Variants in PTPN22 observed in about 807,000 individuals in gnomAD.
PTPN22 encodes tyrosine-protein phosphatase non-receptor type 22.
PTPN22 carries 85 observed loss-of-function variants against 103.3 expected under a neutral mutation model. The observed-to-expected ratio is 0.82, with a 90% CI of 0.69 to 0.99. The LOEUF (loss-of-function observed/expected upper bound fraction) is 0.99, where lower values mean the gene tolerates loss of function less well. Ranked by LOEUF, PTPN22 falls within the 50% of genes least tolerant of loss-of-function variation. PTPN22 has a pLI of 0.00. For missense variants in PTPN22, 865 were observed against 936.9 expected (o/e 0.92, Z 1.00); for synonymous variants, 323 against 310.2 (o/e 1.04, Z -0.43).
chr1:113,862,916 C>T lies in PTPN22; in HGVS notation c.88-3456G>A, dbSNP rs140075038. 2.8e-3 allele frequency among the ~76,000 whole-genome samples: 420 copies of T among 152,224 alleles called. 2 individuals are homozygous for T. The highest frequency in any genetic ancestry group is 9.5e-3 in the African/African-American group (396 of 41,528). On this transcript the variant is annotated intron_variant, in intron 1 of 20. Coordinates refer to ENST00000359785, the Ensembl canonical transcript of PTPN22. ...GGAGGACAAGACTGAATTGTACGAG[C>T]GTGCAATGCAATCATCTTCAACAAG... is the stretch of plus-strand genomic sequence containing the variant.
chr1:113,858,880 C>A (rs1571453943), intron 3 of PTPN22, 122 bp downstream of exon 3: 1 of 1,447,668 alleles, frequency 6.9e-7, no homozygotes, highest in South Asian at 1.5e-5. Flanking sequence ...TTCAAGTGAT[C>A]TTTCCGCCTC....
In PTPN22 at chr1:113,838,264, T is replaced by C. The variant is rs138092829; in HGVS notation, c.1136A>G (p.Asp379Gly). The stretch of plus-strand genomic sequence containing the variant: ...AAAACTGTAATTTAGCTCCAGAAAG[T>C]CAAAAGAAGTGCTTGATTTAGCAGG... Residue 379 changes from aspartate (D) to glycine (G), a missense_variant, in exon 13 of 21, where the codon GAC becomes GGC. By Grantham distance (94) the Asp-to-Gly change is moderately conservative. Transcript: ENST00000359785. 5.9e-5 allele frequency: 95 copies of C among 1,614,090 alleles called. No individual in the cohort carries two copies. In the African/African-American group the frequency reaches 1.1e-3, roughly 19 times the overall value.
intron 8 of PTPN22, 99 bp downstream of exon 8, chr1:113,854,808 G>C (rs1664905068): frequency 7.2e-7 from 1 of 1,393,988 alleles, no homozygotes; most frequent in African/African-American, 1.4e-5. Flanking sequence ...ATTATCGTTT[G>C]TTTTTGCTAT....
chr1:113,840,511 A>G (rs1172978617), intron 11 of PTPN22, among the ~76,000 whole-genome samples: 1 of 152,250 alleles, frequency 6.6e-6, no homozygotes, highest in East Asian at 1.9e-4. Context: ...TGAAAACTAC[A>G]AAGCTTTGCT....
intron 20 of PTPN22, among the ~76,000 whole-genome samples, chr1:113,818,718 C>T (rs1661358071): frequency 6.6e-6 from 1 of 152,158 alleles, no homozygotes; most frequent in Admixed American, 6.5e-5. Context: ...TTAGTTATAG[C>T]ACATGTCTAA....
intron 18 of PTPN22, among the ~76,000 whole-genome samples, chr1:113,827,302 C>T (rs1047614933): frequency 6.6e-6 from 1 of 152,084 alleles, no homozygotes; most frequent in African/African-American, 2.4e-5. Flanking sequence ...TAAAAATGCT[C>T]CCATCCTTGT....
At chr1:113,852,816 A>C (rs1318734356) in intron 9 of PTPN22, among the ~76,000 whole-genome samples, 2 of 152,266 alleles carry the variant, frequency 1.3e-5, no homozygotes, top group African/African-American at 4.8e-5. Flanking sequence ...GACAAAGTAG[A>C]AATAGAAATA....
At chr1:113,844,127 A>G (rs1663840795) in intron 11 of PTPN22, among the ~76,000 whole-genome samples, 1 of 151,902 alleles carries the variant, frequency 6.6e-6, no homozygotes, top group Non-Finnish European at 1.5e-5. Context: ...AAGGTTTGTC[A>G]ATTTCATTGA....
At chr1:113,855,669 T>A (rs567567853) in intron 7 of PTPN22, among the ~76,000 whole-genome samples, 18 of 152,298 alleles carry the variant, frequency 1.2e-4, no homozygotes, top group African/African-American at 4.1e-4. Flanking sequence ...TCTCTATAGA[T>A]CTCAGGTGAC....
chr1:113,822,677 T>C (rs906913123), intron 19 of PTPN22, among the ~76,000 whole-genome samples: 2 of 151,914 alleles, frequency 1.3e-5, no homozygotes, highest in East Asian at 3.9e-4. Flanking sequence ...AAAGGGTTTC[T>C]TGGGCCGGGC....
intron 19 of PTPN22, 110 bp downstream of exon 19, chr1:113,825,032 G>A (rs961163564): frequency 1.1e-5 from 8 of 742,896 alleles, no homozygotes; most frequent in Admixed American, 3.3e-5. Flanking sequence ...ACCCTATGGA[G>A]GCTCTGTTTA....
In PTPN22 at chr1:113,814,492, G is replaced by GT. The variant is rs1204429611; in HGVS notation, c.*412dup. ...AGCAGTTTGTATTGCAACCCACAAA[G>GT]TAAGTTTTTTTTTTAACTTTTTATA... is the stretch of plus-strand genomic sequence containing the variant. On this transcript the variant is annotated 3_prime_UTR_variant, in exon 21 of 21. Coordinates refer to ENST00000359785, the Ensembl canonical transcript of PTPN22. 8.0e-5 allele frequency: 13 copies of GT among 161,796 alleles called. No individual in the cohort carries two copies. In the East Asian group the frequency reaches 2.4e-3, roughly 29 times the overall value. The allele number at this position is 161,796 out of a possible 1,614,324, so 10.0% of individuals were successfully genotyped here. A position where few individuals can be genotyped will look rare whatever the true frequency, so the allele number is the denominator to read the frequency against.
At chr1:113,837,864 G>A in exon 13 of PTPN22, 1 of 1,614,060 alleles carries the variant, frequency 6.2e-7, no homozygotes, top group Non-Finnish European at 8.5e-7. Context: ...TTACATTAGA[G>A]GCATTACGTA....
intron 16 of PTPN22, among the ~76,000 whole-genome samples, chr1:113,832,575 G>A (rs540351049): frequency 2.2e-4 from 33 of 152,288 alleles, no homozygotes; most frequent in African/African-American, 7.7e-4. Flanking sequence ...TCCTGGCAAA[G>A]CCCATGTTTT....
At chr1:113,817,579 A>G (rs1461368407) in intron 20 of PTPN22, among the ~76,000 whole-genome samples, 1 of 152,008 alleles carries the variant, frequency 6.6e-6, no homozygotes, top group Admixed American at 6.6e-5. Context: ...CTGGGACTAC[A>G]GGCACATGCC....
At chr1:113,837,986 A>C in exon 13 of PTPN22, 1 of 1,614,122 alleles carries the variant, frequency 6.2e-7, no homozygotes, top group Non-Finnish European at 8.5e-7. Context: ...TGAGATTCCA[A>C]ATAAGAAAAG....
At chr1:113,855,005 G>A (rs747256065) in exon 8 of PTPN22, 1 of 1,608,818 alleles carries the variant, frequency 6.2e-7, no homozygotes, top group Non-Finnish European at 8.5e-7. Context: ...GTACATCATG[G>A]TCTGGCCAAT....
chr1:113,826,776 TCTC>T (rs1466486146), intron 18 of PTPN22, among the ~76,000 whole-genome samples: 1 of 145,824 alleles, frequency 6.9e-6, no homozygotes, highest in African/African-American at 2.5e-5. Flanking sequence ...TTCACGCCAT[TCTC>T]CTGCCTCAGC....
intron 5 of PTPN22, 24 bp downstream of exon 5, chr1:113,857,714 A>G: frequency 1.2e-6 from 2 of 1,602,612 alleles, no homozygotes. Flanking sequence ...TTTTAAGGTC[A>G]GCAGGTACTA....
Sources: gnomAD v4.1 joint callset for allele counts (sites outside exome capture counted in the v4.1 genomes callset) on GRCh38, gnomAD v4.1.1 for gene constraint, MANE v1.5 for transcripts, NCBI Gene and HGNC (gene_info 2026-07-23, HGNC 2026-07-21) for gene names.